Variants in KIAA1328 observed in about 807,000 individuals in gnomAD.
The protein encoded by KIAA1328 is protein hinderin.
A neutral mutation model predicts 68.1 loss-of-function variants in KIAA1328; 52 were observed. The observed-to-expected ratio is 0.76, with a 90% CI of 0.61 to 0.96. The LOEUF is 0.96. KIAA1328 is among the 40% of genes least tolerant of loss of function. The pLI is 0.00. For synonymous variants in KIAA1328, 232 were observed against 239.4 expected (o/e 0.97, Z 0.28); for missense variants, 641 against 677.6 (o/e 0.95, Z 0.60).
At chr18:37,174,889 T>C (rs2059570761) in intron 9 of KIAA1328, among the ~76,000 whole-genome samples, 1 of 152,182 alleles carries the variant, frequency 6.6e-6, no homozygotes, top group African/African-American at 2.4e-5. Context: ...GCCAGGATGG[T>C]CTCGATCTCT....
intron 6 of KIAA1328, among the ~76,000 whole-genome samples, chr18:36,964,580 AG>A (rs1438886694): frequency 1.3e-5 from 2 of 152,096 alleles, no homozygotes; most frequent in African/African-American, 4.8e-5. Flanking sequence ...TTTATTTACA[AG>A]GTGATTTTTT....
chr18:37,015,749 T>C (rs1158935465), intron 6 of KIAA1328, among the ~76,000 whole-genome samples: 2 of 152,176 alleles, frequency 1.3e-5, no homozygotes, highest in Non-Finnish European at 2.9e-5. Flanking sequence ...TATCTTTTTG[T>C]GTGTATGAGG....
intron 6 of KIAA1328, chr18:37,063,630 G>C: frequency 1.0e-5 from 10 of 985,242 alleles, no homozygotes; most frequent in Non-Finnish European, 1.1e-5. Context: ...CAGTAACCAA[G>C]CAGGTAATTG....
intron 9 of KIAA1328, among the ~76,000 whole-genome samples, chr18:37,185,776 AC>A (rs1186122453): frequency 6.6e-6 from 1 of 151,812 alleles, no homozygotes; most frequent in Non-Finnish European, 1.5e-5. Flanking sequence ...AATATATTTA[AC>A]ATTTTCATCT....
intron 6 of KIAA1328, among the ~76,000 whole-genome samples, chr18:37,009,354 T>G (rs930270481): frequency 6.6e-6 from 1 of 152,170 alleles, no homozygotes; most frequent in Admixed American, 6.5e-5. Flanking sequence ...ATGTAAGAAG[T>G]TTTTCCATAG....
chr18:37,067,574 T>G (rs767882417), intron 7 of KIAA1328, 29 bp downstream of exon 7: 3 of 1,458,112 alleles, frequency 2.1e-6, no homozygotes, highest in Non-Finnish European at 2.7e-6. Flanking sequence ...TTTTTTTTTT[T>G]TTTTGAGACG....
rs987854446 is a variant in KIAA1328, at chr18:37,130,298, T to C, written c.1233-29902T>C. On this transcript the variant is annotated intron_variant, in intron 7 of 9. Coordinates refer to ENST00000280020, the MANE Select transcript of KIAA1328 (RefSeq NM_020776.3). ...TAATCATATACATATATTACTTACT[T>C]TTTAAATGATTTACCACCAAAAGAA... Among the ~76,000 whole-genome samples the C allele has an allele frequency of 1.1e-4, 17 of 152,184 alleles. 1 individual carries two copies. The highest frequency in any genetic ancestry group is 1.5e-5 in the Non-Finnish European group (1 of 68,022).
At chr18:36,952,417 TA>T (rs202225723) in intron 5 of KIAA1328, among the ~76,000 whole-genome samples, 2 of 151,600 alleles carry the variant, frequency 1.3e-5, no homozygotes, top group African/African-American at 4.9e-5. Flanking sequence ...CTTTTTTTTT[TA>T]AAAAATGTAT....
At chr18:37,070,301 G>A (rs1387865968) in intron 7 of KIAA1328, among the ~76,000 whole-genome samples, 1 of 151,988 alleles carries the variant, frequency 6.6e-6, no homozygotes, top group African/African-American at 2.4e-5. Flanking sequence ...GCTGTTGGGT[G>A]GTGTGTTCTG....
In KIAA1328 at chr18:36,887,975, G is replaced by A. The variant is rs11876603; in HGVS notation, c.448+2303G>A. On this transcript the variant is annotated intron_variant, in intron 5 of 9. Transcript: ENST00000280020. ...GTAAAATACTTAAGAAAATTTTGTG[G>A]TTATCTGGAAAAGTAGAATCTAACT... 4.7e-3 allele frequency among the ~76,000 whole-genome samples: 716 copies of A among 152,214 alleles called. 7 individuals carry two copies. Among genetic ancestry groups the A allele is most frequent in the African/African-American group, 0.016 (679 of 41,538 alleles).
chr18:37,117,728 C>G (rs1345404605), intron 7 of KIAA1328, among the ~76,000 whole-genome samples: 1 of 152,032 alleles, frequency 6.6e-6, no homozygotes, highest in Non-Finnish European at 1.5e-5. Context: ...ACCCTTTCCC[C>G]AGAAAAGGAC....
intron 6 of KIAA1328, among the ~76,000 whole-genome samples, chr18:37,043,673 T>C (rs2055350128): frequency 1.3e-5 from 2 of 152,252 alleles, no homozygotes; most frequent in Admixed American, 1.3e-4. Flanking sequence ...CTTTACTTTC[T>C]GCTATTCCTT....
intron 9 of KIAA1328, among the ~76,000 whole-genome samples, chr18:37,187,860 A>G (rs543499076): frequency 6.6e-6 from 1 of 152,286 alleles, no homozygotes; most frequent in South Asian, 2.1e-4. Flanking sequence ...ACCTTACAGA[A>G]GTCACCACAG....
At chr18:36,969,969 C>T (rs891001441) in intron 6 of KIAA1328, among the ~76,000 whole-genome samples, 3 of 152,022 alleles carry the variant, frequency 2.0e-5, no homozygotes, top group African/African-American at 7.2e-5. Context: ...AGGCCAGCAT[C>T]ATCCTGATAC....
intron 7 of KIAA1328, among the ~76,000 whole-genome samples, chr18:37,140,845 A>G (rs990032394): frequency 5.3e-5 from 8 of 152,130 alleles, no homozygotes; most frequent in African/African-American, 1.9e-4. Context: ...CATTGTATGC[A>G]TTTTATCTAG....
intron 4 of KIAA1328, among the ~76,000 whole-genome samples, chr18:36,857,599 AC>A (rs1384869887): frequency 6.6e-6 from 1 of 152,188 alleles, no homozygotes; most frequent in Non-Finnish European, 1.5e-5. Context: ...CCATCCTTTT[AC>A]CAAAATTTCC....
At chr18:36,840,573 A>G (rs1159378738) in intron 3 of KIAA1328, among the ~76,000 whole-genome samples, 2 of 151,468 alleles carry the variant, frequency 1.3e-5, no homozygotes, top group East Asian at 3.9e-4. Flanking sequence ...CTCATGCCTC[A>G]GCCTCTCAAC....
intron 6 of KIAA1328, among the ~76,000 whole-genome samples, chr18:37,057,082 C>T (rs1443134792): frequency 6.6e-6 from 1 of 152,028 alleles, no homozygotes; most frequent in African/African-American, 2.4e-5. Context: ...TGCTAAATGT[C>T]ATTTGTTCAT....
chr18:36,913,479 TACACACACACACACACAC>T (rs10582262), intron 5 of KIAA1328, among the ~76,000 whole-genome samples: 43 of 91,426 alleles, frequency 4.7e-4, no homozygotes, highest in African/African-American at 6.5e-4. Context: ...ATTACAACCT[TACACACACACACACACAC>T]ACACACACAC....
Sources: gnomAD v4.1 joint callset for allele counts (sites outside exome capture counted in the v4.1 genomes callset) on GRCh38, gnomAD v4.1.1 for gene constraint, MANE v1.5 for transcripts, NCBI Gene and HGNC (gene_info 2026-07-23, HGNC 2026-07-21) for gene names.